MGRN1: variants seen among roughly 807,000 people sequenced by gnomAD.
MGRN1 encodes the protein E3 ubiquitin-protein ligase MGRN1.
Under a neutral mutation model 69.2 loss-of-function variants are expected in MGRN1, and 29 were observed. The observed-to-expected ratio is 0.42, with a 90% CI of 0.31 to 0.57. The LOEUF is 0.57. Ranked by LOEUF, MGRN1 falls within the 20% of genes least tolerant of loss-of-function variation. The pLI, the probability that MGRN1 is intolerant of heterozygous loss-of-function variation, is 0.15. For synonymous variants in MGRN1, 470 were observed against 344.2 expected, an observed-to-expected ratio of 1.37 and a Z score of -4.04; for missense variants, 998 against 796.2, an observed-to-expected ratio of 1.25 and a Z score of -3.05.
At chr16:4,661,264 C>T (rs1346399686) in intron 5 of MGRN1, among the ~76,000 whole-genome samples, 3 of 152,294 alleles carry the variant, frequency 2.0e-5, no homozygotes, top group Admixed American at 2.0e-4. Flanking sequence ...TAGGCGTGAG[C>T]CACCACGTCA....
At chr16:4,663,890 G>A (rs946709905) in intron 5 of MGRN1, among the ~76,000 whole-genome samples, 2 of 152,236 alleles carry the variant, frequency 1.3e-5, no homozygotes, top group South Asian at 4.1e-4. Flanking sequence ...TGGGATGAAC[G>A]CAAGAGGAAG....
chr16:4,666,153 G>A (rs1237289312), intron 7 of MGRN1, among the ~76,000 whole-genome samples: 1 of 150,936 alleles, frequency 6.6e-6, no homozygotes, highest in Non-Finnish European at 1.5e-5. Flanking sequence ...TTTTAAACAG[G>A]GTCTCGCTCT....
intron 7 of MGRN1, 88 bp downstream of exon 7, chr16:4,665,239 G>A (rs113056114): frequency 1.1e-5 from 15 of 1,409,962 alleles, no homozygotes; most frequent in African/African-American, 7.0e-5. Flanking sequence ...AGCAGGGGCT[G>A]GGGCTTGGTG....
At chr16:4,683,959 G>T in intron 16 of MGRN1, 27 bp downstream of exon 16, 5 of 1,474,698 alleles carry the variant, frequency 3.4e-6, no homozygotes, top group East Asian at 2.5e-5. Flanking sequence ...CTGGGGGTGA[G>T]GGGCTGGGTG....
chr16:4,683,385 C>G (rs1357856464), intron 15 of MGRN1, 116 bp downstream of exon 15: 14 of 1,290,108 alleles, frequency 1.1e-5, no homozygotes, highest in Middle Eastern at 1.9e-4. Flanking sequence ...CCCAGGAACC[C>G]TCGGCCAAGA....
chr16:4,638,294 G>A (rs947086437), intron 1 of MGRN1, among the ~76,000 whole-genome samples: 3 of 151,918 alleles, frequency 2.0e-5, no homozygotes, highest in Non-Finnish European at 4.4e-5. Flanking sequence ...GTGAAACTCC[G>A]TCTCTACTAA....
intron 10 of MGRN1, among the ~76,000 whole-genome samples, chr16:4,673,914 C>G (rs1393487070): frequency 6.6e-6 from 1 of 152,212 alleles, no homozygotes; most frequent in African/African-American, 2.4e-5. Flanking sequence ...GAACAAAGGG[C>G]TACAGAGGCG....
intron 8 of MGRN1, 137 bp downstream of exon 8, chr16:4,668,449 A>AT: frequency 2.3e-6 from 2 of 854,830 alleles, no homozygotes; most frequent in Non-Finnish European, 3.7e-6. Context: ...ACTCATACAC[A>AT]TTCACTTGCA....
At chr16:4,658,409 G>A (rs973862975) in intron 5 of MGRN1, among the ~76,000 whole-genome samples, 9 of 152,030 alleles carry the variant, frequency 5.9e-5, no homozygotes, top group Non-Finnish European at 1.0e-4. Flanking sequence ...GGTGGCGGGC[G>A]CCTGTAGTCC....
intron 13 of MGRN1, among the ~76,000 whole-genome samples, chr16:4,682,557 C>T (rs2079212487): frequency 6.6e-6 from 1 of 152,204 alleles, no homozygotes; most frequent in African/African-American, 2.4e-5. Context: ...AGCGGTTTCT[C>T]TTCTCCTTCT....
rs374381733 is a variant in MGRN1, at chr16:4,650,367, A to G, written c.91A>G (p.Asn31Asp). ...ATCGTGTTTCCTTTTTTAAACAGGA[A>G]ACTACTTTGCTTCGCACTTTTTCAT... ...SAYRYPPKSG[N>D]YFASHFFMGG... Residue 31 changes from asparagine (N) to aspartate (D), a missense_variant and splice_region_variant, in exon 2 of 17, where the codon AAC (asparagine) becomes GAC (aspartate). Transcript: ENST00000262370. The G allele has an allele frequency of 3.1e-6, 5 of 1,602,708 alleles. No individual in the cohort carries two copies. The African/African-American group carries it at 6.8e-5, about 22-fold the overall frequency.
At chr16:4,654,300 C>G (rs1326468086) in intron 4 of MGRN1, among the ~76,000 whole-genome samples, 1 of 152,200 alleles carries the variant, frequency 6.6e-6, no homozygotes, top group African/African-American at 2.4e-5. Flanking sequence ...GAGGAAATGA[C>G]AAGGGTTTTA....
chr16:4,648,198 C>T (rs1170333574), intron 1 of MGRN1, among the ~76,000 whole-genome samples: 1 of 152,200 alleles, frequency 6.6e-6, no homozygotes, highest in Non-Finnish European at 1.5e-5. Flanking sequence ...TCCTTGAAAT[C>T]CACAGGTCCC....
chr16:4,640,772 G>C (rs1233831752), intron 1 of MGRN1: 1 of 152,298 alleles, frequency 6.6e-6, no homozygotes, highest in Non-Finnish European at 1.5e-5. Flanking sequence ...CACTGGCGAT[G>C]ACACCACTGA....
intron 1 of MGRN1, among the ~76,000 whole-genome samples, chr16:4,639,411 T>C (rs2078108605): frequency 6.6e-6 from 1 of 152,150 alleles, no homozygotes; most frequent in Non-Finnish European, 1.5e-5. Flanking sequence ...GTGGAATCAC[T>C]GGTCTGCAGA....
intron 1 of MGRN1, among the ~76,000 whole-genome samples, chr16:4,626,467 CCA>C (rs1376194736): frequency 6.6e-6 from 1 of 152,162 alleles, no homozygotes; most frequent in African/African-American, 2.4e-5. Flanking sequence ...CCCCTGGGTC[CCA>C]GTTTCCTCAT....
intron 14 of MGRN1, 30 bp downstream of exon 14, chr16:4,682,976 C>G: frequency 1.3e-6 from 2 of 1,511,606 alleles, no homozygotes; most frequent in East Asian, 2.4e-5. Context: ...GCTTTGCGCA[C>G]CCGCCCGGGC....
chr16:4,664,551 C>T, intron 5 of MGRN1, 158 bp from the exon 6 acceptor site: 1 of 698,308 alleles, frequency 1.4e-6, no homozygotes, highest in Non-Finnish European at 2.5e-6. Flanking sequence ...AGGTGCCAAG[C>T]CTGGCATCCG....
rs1035344760 is a variant in MGRN1 at position 4,671,200 on chromosome 16, C to T, written c.727-191C>T. 6 of 608,402 alleles carry T rather than the reference C, an allele frequency of 9.9e-6. No homozygotes were observed. The Admixed American group carries it at 1.7e-4, about 17-fold the overall frequency. 37.7% of individuals were successfully genotyped at this position (608,402 alleles called of 1,614,324 possible). On this transcript the variant is annotated intron_variant, in intron 8 of 16. Coordinates refer to ENST00000262370, the MANE Select transcript of MGRN1 (RefSeq NM_015246.4). ...AGAGCCACCGGCTCCAGCCCTGTTC[C>T]AGGTGCTGCTGGTTGGGTGGGGGCA...
Sources: allele counts gnomAD v4.1 joint callset (sites outside exome capture counted in the v4.1 genomes callset), GRCh38; gene constraint gnomAD v4.1.1; transcripts MANE v1.5; gene names NCBI Gene and HGNC (gene_info 2026-07-23, HGNC 2026-07-21).